MAML3: variants seen among roughly 807,000 people sequenced by gnomAD.
MAML3 encodes mastermind like transcriptional coactivator 3.
MAML3 carries 27 observed loss-of-function variants against 101.9 expected under a neutral mutation model. The observed-to-expected ratio is 0.27, with a 90% confidence interval of 0.20 to 0.37. MAML3 has a LOEUF of 0.37. MAML3 is among the 10% of genes least tolerant of loss of function. The pLI is 1.00. For synonymous variants in MAML3, 501 were observed against 555.9 expected (o/e 0.90, Z 1.39); for missense variants, 1,316 against 1,444.9 (o/e 0.91, Z 1.45).
Position 139,838,343 on chromosome 4 carries a change from C to A in MAML3, c.2079+51014G>T, listed in dbSNP as rs188797097. On this transcript the variant is annotated intron_variant, in intron 2 of 4. Transcript: ENST00000509479. ...TTATTTCCTTGAAAATACTGCATTT[C>A]GGCAGTATTGCCCTATCTTACAGAT... Among the ~76,000 whole-genome samples the A allele has an allele frequency of 3.1e-3, 479 of 152,284 alleles. 2 individuals are homozygous for A. The highest frequency in any genetic ancestry group is 0.011 in the African/African-American group (458 of 41,572).
intron 2 of MAML3, among the ~76,000 whole-genome samples, chr4:139,766,767 T>G (rs1000141562): frequency 1.4e-4 from 22 of 152,206 alleles, no homozygotes; most frequent in Non-Finnish European, 2.5e-4. Flanking sequence ...AAGGTAAAGG[T>G]TCTGGCATCT....
chr4:140,153,174 C>G lies in MAML3; in HGVS notation c.154G>C (p.Gly52Arg). ...GGGCCCCCGGAGCCGCCGCATCCAC[C>G]GGCTGCCGGGTGATTGCTACTCGGA... ...AAPSSNHPAA[G>R]GCGGSGGPGG... Residue 52 changes from glycine to arginine, a missense_variant, in exon 1 of 5, where the codon GGT becomes CGT. By Grantham distance (125) the Gly-to-Arg change is moderately radical. Transcript: ENST00000509479. The G allele has an allele frequency of 2.6e-6, 4 of 1,551,822 alleles. No homozygotes were observed. The highest frequency in any genetic ancestry group is 2.4e-5 in the South Asian group (2 of 84,304).
chr4:139,971,061 C>T (rs1385675705), intron 1 of MAML3, among the ~76,000 whole-genome samples: 8 of 152,136 alleles, frequency 5.3e-5, no homozygotes, highest in African/African-American at 1.4e-4. Flanking sequence ...TATTAAGGAC[C>T]GAGGGGTTAG....
intron 1 of MAML3, among the ~76,000 whole-genome samples, chr4:139,943,864 C>CATTTTTTTTTTTTTTTTTT (rs1733652525): frequency 3.0e-5 from 2 of 65,824 alleles, no homozygotes; most frequent in Non-Finnish European, 5.7e-5. Flanking sequence ...CTAAAGACAA[C>CATTTTTTTTTTTTTTTTTT]TTTTTTTTTT....
chr4:139,820,708 T>C (rs1730958944), intron 2 of MAML3, among the ~76,000 whole-genome samples: 1 of 152,212 alleles, frequency 6.6e-6, no homozygotes, highest in Non-Finnish European at 1.5e-5. Flanking sequence ...AAAACTCTTC[T>C]AAAATACTTC....
chr4:140,006,707 A>G (rs994646495), intron 1 of MAML3, among the ~76,000 whole-genome samples: 6 of 152,166 alleles, frequency 3.9e-5, no homozygotes, highest in African/African-American at 1.4e-4. Flanking sequence ...GTTGACCTCT[A>G]AAGTTCAAAC....
chr4:139,860,202 C>T (rs1731749707), intron 2 of MAML3, among the ~76,000 whole-genome samples: 1 of 152,260 alleles, frequency 6.6e-6, no homozygotes, highest in South Asian at 2.1e-4. Flanking sequence ...GGGTCGGAGT[C>T]GCTTCCATGC....
chr4:139,733,375 T>C (rs1461351547), intron 2 of MAML3, among the ~76,000 whole-genome samples: 1 of 152,106 alleles, frequency 6.6e-6, no homozygotes, highest in Non-Finnish European at 1.5e-5. Flanking sequence ...TGAGATATGC[T>C]TGTCCTGTGT....
chr4:139,816,908 T>C (rs1051342922), intron 2 of MAML3, among the ~76,000 whole-genome samples: 1 of 152,194 alleles, frequency 6.6e-6, no homozygotes, highest in African/African-American at 2.4e-5. Flanking sequence ...TGTATGTGAA[T>C]GTGCTAGTCA....
chr4:140,053,440 G>GCA (rs1727302548), intron 1 of MAML3, among the ~76,000 whole-genome samples: 1 of 152,108 alleles, frequency 6.6e-6, no homozygotes, highest in African/African-American at 2.4e-5. Flanking sequence ...CAGTATTACT[G>GCA]CAGGGGCCAC....
chr4:139,889,235 G>A (rs1405819675), intron 2 of MAML3, 122 bp downstream of exon 2: 1 of 1,580,756 alleles, frequency 6.3e-7, no homozygotes, highest in African/African-American at 1.3e-5. Flanking sequence ...CTGAGGATGT[G>A]TAAAGAGGTT....
chr4:140,114,879 A>C (rs1728491996), intron 1 of MAML3, among the ~76,000 whole-genome samples: 1 of 152,228 alleles, frequency 6.6e-6, no homozygotes, highest in South Asian at 2.1e-4. Flanking sequence ...CATATTTAAT[A>C]ATAATCCCTA....
At chr4:140,094,326 A>G (rs1460060159) in intron 1 of MAML3, among the ~76,000 whole-genome samples, 1 of 152,194 alleles carries the variant, frequency 6.6e-6, no homozygotes, top group Non-Finnish European at 1.5e-5. Context: ...GCTATAGCTA[A>G]TTGCTATCCT....
chr4:140,110,408 A>C (rs570727038), intron 1 of MAML3, among the ~76,000 whole-genome samples: 1 of 152,254 alleles, frequency 6.6e-6, no homozygotes, highest in East Asian at 1.9e-4. Flanking sequence ...CATTCTTCAC[A>C]CCTTTCCTTC....
At chr4:139,776,400 C>G (rs901351291) in intron 2 of MAML3, among the ~76,000 whole-genome samples, 9 of 152,108 alleles carry the variant, frequency 5.9e-5, no homozygotes, top group Non-Finnish European at 1.0e-4. Flanking sequence ...CTCTGGAACC[C>G]TTCTTGGGAG....
At chr4:139,734,674 A>C (rs1560775263) in intron 2 of MAML3, among the ~76,000 whole-genome samples, 1 of 152,256 alleles carries the variant, frequency 6.6e-6, no homozygotes, top group African/African-American at 2.4e-5. Flanking sequence ...GACTTCAAAA[A>C]ACAGTTGTGG....
intron 1 of MAML3, among the ~76,000 whole-genome samples, chr4:140,024,226 GATTT>G (rs1185674261): frequency 2.0e-5 from 3 of 150,216 alleles, no homozygotes; most frequent in Non-Finnish European, 3.0e-5. Context: ...TGGATTGATT[GATTT>G]TTTTTTTTTT....
At chr4:139,889,308 G>A in intron 2 of MAML3, 49 bp downstream of exon 2, 1 of 1,613,628 alleles carries the variant, frequency 6.2e-7, no homozygotes, top group East Asian at 2.2e-5. Context: ...TCGACAGTCT[G>A]AAATGCACCA....
chr4:140,066,213 G>A (rs556080398), intron 1 of MAML3, among the ~76,000 whole-genome samples: 2 of 152,348 alleles, frequency 1.3e-5, no homozygotes, highest in South Asian at 4.1e-4. Context: ...ACCTGAGTAT[G>A]AATCACAACT....
Sources: allele counts gnomAD v4.1 joint callset (sites outside exome capture counted in the v4.1 genomes callset), GRCh38; gene constraint gnomAD v4.1.1; transcripts MANE v1.5; gene names NCBI Gene and HGNC (gene_info 2026-07-23, HGNC 2026-07-21).